SYNE1: variants seen among roughly 807,000 people sequenced by gnomAD.
SYNE1 encodes spectrin repeat containing nuclear envelope protein 1, also known as nesprin-1.
SYNE1 carries 616 observed loss-of-function variants against 1,111.0 expected under a neutral mutation model. The observed-to-expected ratio is 0.55, with a 90% confidence interval of 0.52 to 0.59. The LOEUF is 0.59. Ranked by LOEUF, SYNE1 falls within the 20% of genes least tolerant of loss-of-function variation. The probability of loss-of-function intolerance (pLI) is 0.00; values close to 1 mark genes in which losing one functional copy is unlikely to be tolerated. For synonymous variants in SYNE1, 3,855 were observed against 3,825.8 expected, an observed-to-expected ratio of 1.01 and a Z score of -0.28; for missense variants, 10,006 against 10,417.0, an observed-to-expected ratio of 0.96 and a Z score of 1.72.
At chr6:152,137,782 G>A (rs370729587) in intron 140 of SYNE1, among the ~76,000 whole-genome samples, 1 of 152,166 alleles carries the variant, frequency 6.6e-6, no homozygotes, top group East Asian at 1.9e-4. Flanking sequence ...CTGTAGAATA[G>A]ATTCAACCAC....
chr6:152,226,805 CAGA>C (rs1052429729), intron 115 of SYNE1, among the ~76,000 whole-genome samples: 7 of 152,218 alleles, frequency 4.6e-5, no homozygotes, highest in African/African-American at 1.2e-4. Flanking sequence ...AGCCTGATGC[CAGA>C]AGGAGTCGGC....
At chr6:152,164,397 G>A in intron 130 of SYNE1, 72 bp from the exon 131 acceptor site, 1 of 1,562,148 alleles carries the variant, frequency 6.4e-7, no homozygotes, top group Non-Finnish European at 8.8e-7. Flanking sequence ...GTGCAGAGGA[G>A]AACACTGGGC....
At chr6:152,356,645 T>C (rs1166155241) in intron 66 of SYNE1, among the ~76,000 whole-genome samples, 1 of 152,054 alleles carries the variant, frequency 6.6e-6, no homozygotes, top group African/African-American at 2.4e-5. Context: ...GGCCAATCCC[T>C]ACACCATGTA....
chr6:152,556,539 C>T (rs1430997937), intron 3 of SYNE1, among the ~76,000 whole-genome samples: 1 of 152,172 alleles, frequency 6.6e-6, no homozygotes, highest in Non-Finnish European at 1.5e-5. Context: ...CAAAAGCCCA[C>T]CCCACTGCCT....
In SYNE1 at chr6:152,621,100, T is replaced by C. The variant is rs779265035; in HGVS notation, c.67+7165A>G. 6.6e-5 allele frequency among the ~76,000 whole-genome samples: 10 copies of C among 152,304 alleles called. No individual in the cohort carries two copies. The South Asian group carries it at 1.9e-3, about 28-fold the overall frequency. ...AAGTCAGGTTTTAGGAACAGTGACT[T>C]GAGCTCATTCCAGAAGGTGCCCCAG... is the stretch of plus-strand genomic sequence containing the variant. On this transcript the variant is annotated intron_variant, in intron 3 of 145. Transcript: ENST00000367255.
intron 13 of SYNE1, 84 bp downstream of exon 13, chr6:152,484,751 A>T (rs1593676939): frequency 6.9e-7 from 1 of 1,456,578 alleles, no homozygotes; most frequent in Non-Finnish European, 9.5e-7. Flanking sequence ...ACCTGTTGCC[A>T]TACCACTGTG....
chr6:152,572,174 A>G (rs1379306863), intron 3 of SYNE1, among the ~76,000 whole-genome samples: 2 of 152,226 alleles, frequency 1.3e-5, no homozygotes, highest in Non-Finnish European at 2.9e-5. Flanking sequence ...TTGTCATTGC[A>G]TAATATAATA....
intron 58 of SYNE1, among the ~76,000 whole-genome samples, chr6:152,374,865 G>A (rs1320910245): frequency 6.6e-6 from 1 of 152,006 alleles, no homozygotes; most frequent in Non-Finnish European, 1.5e-5. Flanking sequence ...AGTTTCTGCA[G>A]TTCTACCCAC....
chr6:152,328,587 T>C (rs1390929996), intron 78 of SYNE1, among the ~76,000 whole-genome samples: 1 of 149,626 alleles, frequency 6.7e-6, no homozygotes, highest in Admixed American at 6.7e-5. Flanking sequence ...TTTTTTTTTG[T>C]ATTTAGTAGA....
intron 33 of SYNE1, chr6:152,435,475 T>C (rs766963171): frequency 6.4e-6 from 1 of 156,182 alleles, no homozygotes; most frequent in Non-Finnish European, 1.4e-5. Flanking sequence ...ATAACTTGAA[T>C]ACCGAGGCAC....
At chr6:152,242,121 T>A in intron 107 of SYNE1, 119 bp downstream of exon 107, 1 of 1,038,040 alleles carries the variant, frequency 9.6e-7, no homozygotes, top group East Asian at 2.6e-5. Context: ...AAAGAATAAC[T>A]TATACAAGTA....
chr6:152,465,974 T>C lies in SYNE1; in HGVS notation c.1729+8A>G, dbSNP rs188999515. The C allele has an allele frequency of 2.0e-5, 32 of 1,599,774 alleles. No homozygotes were observed. The East Asian group carries it at 5.6e-4, about 28-fold the overall frequency. ...CTACGTTGCAACAAATTCTGTAGTATGTTTTACCTGAACCATCTGCTTTGA... is the reference window on the plus strand; with the variant it reads ...CTACGTTGCAACAAATTCTGTAGTACGTTTTACCTGAACCATCTGCTTTGA... On this transcript the variant is annotated splice_region_variant and intron_variant, in intron 17 of 145. Coordinates refer to ENST00000367255, the MANE Select transcript of SYNE1 (RefSeq NM_182961.4).
chr6:152,434,367 G>A (rs1275432699), intron 33 of SYNE1: 1 of 181,618 alleles, frequency 5.5e-6, no homozygotes, highest in African/African-American at 2.4e-5. Flanking sequence ...TTAAAGGAGA[G>A]ACACTGCAGT....
intron 117 of SYNE1, among the ~76,000 whole-genome samples, chr6:152,223,266 A>G (rs904861449): frequency 3.3e-5 from 5 of 152,214 alleles, no homozygotes; most frequent in African/African-American, 4.8e-5. Flanking sequence ...TTTAAGGGTT[A>G]AGAAATTATA....
Position 152,234,691 on chromosome 6 carries a change from G to A in SYNE1, c.20506C>T (p.Arg6836Cys), listed in dbSNP as rs771234683. 3.8e-5 allele frequency: 61 copies of A among 1,614,016 alleles called. No individual in the cohort carries two copies. The highest frequency in any genetic ancestry group is 4.5e-5 in the Non-Finnish European group (53 of 1,180,032). ...ACCAGGAAAGCATTTAGATGATCAC[G>A]GACCATTTCCAGCTCTTGTGGGACT... ...VTVPQELEMV[R>C]DHLNAFLEFS... The change falls in exon 111 of 146, where the codon CGT (arginine) becomes TGT (cysteine). Residue 6836 changes from arginine (R) to cysteine (C), a missense_variant. Arg to Cys is a radical substitution (Grantham distance 180). Transcript: ENST00000367255.
At chr6:152,587,619 T>G (rs1235900901) in intron 3 of SYNE1, among the ~76,000 whole-genome samples, 3 of 152,130 alleles carry the variant, frequency 2.0e-5, no homozygotes, top group African/African-American at 7.2e-5. Flanking sequence ...CTAAATCTCT[T>G]TAGCAACTTC....
At chr6:152,270,241 T>C (rs562792306) in intron 98 of SYNE1, among the ~76,000 whole-genome samples, 1 of 152,262 alleles carries the variant, frequency 6.6e-6, no homozygotes, top group Non-Finnish European at 1.5e-5. Flanking sequence ...TCTTTAAGAG[T>C]CTTTCTTTCA....
chr6:152,535,570 A>G (rs1444741881), intron 4 of SYNE1, among the ~76,000 whole-genome samples: 1 of 152,196 alleles, frequency 6.6e-6, no homozygotes, highest in East Asian at 1.9e-4. Context: ...GTGACAAGCA[A>G]TCTATTTATC....
At chr6:152,514,889 C>G (rs1165657100) in intron 6 of SYNE1, among the ~76,000 whole-genome samples, 1 of 152,134 alleles carries the variant, frequency 6.6e-6, no homozygotes, top group African/African-American at 2.4e-5. Flanking sequence ...TCTGCTATGG[C>G]AGCCAAAGCG....
Sources: allele counts gnomAD v4.1 joint callset (sites outside exome capture counted in the v4.1 genomes callset), GRCh38; gene constraint gnomAD v4.1.1; transcripts MANE v1.5; gene names NCBI Gene and HGNC (gene_info 2026-07-23, HGNC 2026-07-21).